The following PCDHA1 variants were observed in gnomAD, a reference collection of about 807,000 sequenced individuals.
The protein encoded by PCDHA1 is protocadherin alpha-1.
In PCDHA1, 42 loss-of-function variants were observed where a neutral mutation model predicts 61.3. The observed-to-expected ratio is 0.69, with a 90% CI of 0.54 to 0.89. The LOEUF (loss-of-function observed/expected upper bound fraction) is 0.89. Ranked by LOEUF, PCDHA1 falls within the 40% of genes least tolerant of loss-of-function variation. PCDHA1 has a pLI of 0.00. For missense variants in PCDHA1, 1,256 were observed against 1,235.3 expected, an observed-to-expected ratio of 1.02 and a Z score of -0.25; for synonymous variants, 610 against 553.8, an observed-to-expected ratio of 1.10 and a Z score of -1.43.
At position 140,822,272 on chromosome 5, in the gene PCDHA1, A is replaced by C; in HGVS notation, c.2394+33588A>C. ...GATTTGGATATTGGAGCAAATGCACAATTGAGATACAGGTTAAATCCAAAC... is the reference window on the plus strand; with the variant it reads ...GATTTGGATATTGGAGCAAATGCACCATTGAGATACAGGTTAAATCCAAAC... On this transcript the variant is annotated intron_variant, in intron 1 of 3. Coordinates refer to ENST00000504120, the MANE Select transcript of PCDHA1 (RefSeq NM_018900.4). The C allele has an allele frequency of 6.2e-7, 1 of 1,614,244 alleles. No individual in the cohort carries two copies. The highest frequency in any genetic ancestry group is 1.7e-5 in the Admixed American group (1 of 60,036).
chr5:140,944,664 T>A (rs2093679523), intron 1 of PCDHA1, among the ~76,000 whole-genome samples: 1 of 152,202 alleles, frequency 6.6e-6, no homozygotes, highest in South Asian at 2.1e-4. Context: ...ACCCCTTATT[T>A]ATCTATTCTG....
intron 1 of PCDHA1, among the ~76,000 whole-genome samples, chr5:140,893,139 C>G (rs2063839594): frequency 6.6e-6 from 1 of 152,186 alleles, no homozygotes; most frequent in East Asian, 1.9e-4. Context: ...TCTTTATCCA[C>G]TCATCTGTTG....
intron 1 of PCDHA1, among the ~76,000 whole-genome samples, chr5:140,970,086 G>T (rs1263388270): frequency 6.6e-6 from 1 of 152,102 alleles, no homozygotes; most frequent in Non-Finnish European, 1.5e-5. Flanking sequence ...TTAGGGGTGT[G>T]GGGGGATGGT....
intron 1 of PCDHA1, chr5:140,835,983 C>T (rs1290587139): frequency 1.2e-6 from 2 of 1,613,326 alleles, no homozygotes; most frequent in Non-Finnish European, 1.7e-6. Flanking sequence ...GTTGCAGTTC[C>T]AGGTGAGCGC....
intron 1 of PCDHA1, among the ~76,000 whole-genome samples, chr5:140,899,745 A>G: frequency 6.6e-6 from 1 of 152,214 alleles, no homozygotes; most frequent in Non-Finnish European, 1.5e-5. Flanking sequence ...GAATAGTTTC[A>G]GAAGGAATGG....
chr5:140,874,624 A>G (rs1554167312), intron 1 of PCDHA1, among the ~76,000 whole-genome samples: 3 of 152,242 alleles, frequency 2.0e-5, no homozygotes, highest in African/African-American at 2.4e-5. Flanking sequence ...AACATTTTAC[A>G]TTAAAGTGCT....
At chr5:140,860,539 A>C (rs1017009247) in intron 1 of PCDHA1, 4 of 152,206 alleles carry the variant, frequency 2.6e-5, no homozygotes, top group African/African-American at 7.2e-5. Flanking sequence ...TTTGTAAGAC[A>C]AACCCACCTT....
At chr5:140,926,519 C>T (rs2083298131) in intron 1 of PCDHA1, 1 of 204,364 alleles carries the variant, frequency 4.9e-6, no homozygotes, top group Non-Finnish European at 9.7e-6. Flanking sequence ...AGGCTCCGCC[C>T]TGCGCCCGCA....
At chr5:140,868,018 A>C (rs987390119) in intron 1 of PCDHA1, 14 of 152,136 alleles carry the variant, frequency 9.2e-5, no homozygotes, top group African/African-American at 3.1e-4. Context: ...GATTAAGGAA[A>C]CCAATGTTGG....
intron 3 of PCDHA1, among the ~76,000 whole-genome samples, chr5:140,999,429 A>G (rs1554256798): frequency 6.6e-6 from 1 of 152,190 alleles, no homozygotes. Flanking sequence ...GAGGCCAAGT[A>G]CCTTGCCTCT....
intron 1 of PCDHA1, chr5:140,811,095 G>A (rs1167006415): frequency 3.3e-5 from 5 of 152,252 alleles, no homozygotes; most frequent in South Asian, 2.1e-4. Context: ...TGCCATGTTC[G>A]TTTGCTGCAC....
At chr5:140,945,366 T>A (rs1367581632) in intron 1 of PCDHA1, among the ~76,000 whole-genome samples, 6 of 152,036 alleles carry the variant, frequency 3.9e-5, no homozygotes, top group Non-Finnish European at 8.8e-5. Context: ...GTTTAAAATG[T>A]CCATATTACC....
chr5:140,979,125 C>T (rs782380399), intron 2 of PCDHA1, 118 bp downstream of exon 2: 4 of 1,479,726 alleles, frequency 2.7e-6, no homozygotes, highest in African/African-American at 2.8e-5. Context: ...GGTACTTTGC[C>T]AGGAAAATGC....
At chr5:140,830,593 A>C in intron 1 of PCDHA1, 1 of 705,892 alleles carries the variant, frequency 1.4e-6, no homozygotes, top group Non-Finnish European at 2.1e-6. Flanking sequence ...TAATTTTACA[A>C]AATTACATAT....
chr5:140,823,464 G>C, intron 1 of PCDHA1: 1 of 1,613,420 alleles, frequency 6.2e-7, no homozygotes, highest in Non-Finnish European at 8.5e-7. Context: ...ACGCGCCGGC[G>C]CTGCTGGTGC....
intron 1 of PCDHA1, chr5:140,851,685 G>T: frequency 1.1e-6 from 1 of 926,488 alleles, no homozygotes; most frequent in Non-Finnish European, 1.3e-6. Context: ...TCTCCATTCA[G>T]TGATAAAATG....
At chr5:140,839,814 T>A (rs2150301148) in intron 1 of PCDHA1, among the ~76,000 whole-genome samples, 9,024 of 152,086 alleles carry the variant, frequency 0.059, 964 homozygotes, top group African/African-American at 0.21. Flanking sequence ...AATTGCCTAC[T>A]ATGAAGGCAT....
At chr5:140,928,381 T>C (rs1554205835) in intron 1 of PCDHA1, 2 of 1,614,054 alleles carry the variant, frequency 1.2e-6, no homozygotes, top group African/African-American at 2.7e-5. Flanking sequence ...AGCCTCTAGC[T>C]TGCTGGCAGT....
chr5:140,877,112 G>A, intron 1 of PCDHA1: 1 of 1,613,670 alleles, frequency 6.2e-7, no homozygotes, highest in Non-Finnish European at 8.5e-7. Flanking sequence ...CCTCTGGGCA[G>A]CAACGTGACG....
Sources: gnomAD v4.1 joint callset for allele counts (sites outside exome capture counted in the v4.1 genomes callset) on GRCh38, gnomAD v4.1.1 for gene constraint, MANE v1.5 for transcripts, NCBI Gene and HGNC (gene_info 2026-07-23, HGNC 2026-07-21) for gene names.